The following TNS1 variants were observed in gnomAD, a reference collection of about 807,000 sequenced individuals.
TNS1 encodes tensin 1.
TNS1 carries 62 observed loss-of-function variants against 168.6 expected under a neutral mutation model. The observed-to-expected ratio is 0.37, with a 90% CI of 0.30 to 0.45. TNS1 has a LOEUF of 0.45. Ranked by LOEUF, TNS1 falls within the 20% of genes least tolerant of loss-of-function variation. TNS1 has a pLI of 1.00. For synonymous variants in TNS1, 934 were observed against 933.2 expected (o/e 1.00, Z -0.02); for missense variants, 2,240 against 2,339.4 (o/e 0.96, Z 0.88).
At chr2:217,917,829 C>CAAAAAAA (rs79888115) in intron 4 of TNS1, among the ~76,000 whole-genome samples, 13 of 75,986 alleles carry the variant, frequency 1.7e-4, no homozygotes, top group South Asian at 5.6e-4. Context: ...AGACTGTTCT[C>CAAAAAAA]AAAAAAAAAA....
intron 31 of TNS1, 51 bp from the exon 32 acceptor site, chr2:217,808,158 GC>G: frequency 6.2e-7 from 1 of 1,602,538 alleles, no homozygotes; most frequent in Non-Finnish European, 8.5e-7. Flanking sequence ...TCTCCCTAGA[GC>G]CCAGCCCCAC....
At chr2:217,937,114 G>T (rs1487612143) in intron 3 of TNS1, 4 of 440,008 alleles carry the variant, frequency 9.1e-6, no homozygotes, top group Non-Finnish European at 1.9e-5. Flanking sequence ...CCTCCGCTCT[G>T]CCAGCTCACA....
intron 3 of TNS1, among the ~76,000 whole-genome samples, chr2:217,939,662 C>T (rs2125932944): frequency 6.6e-6 from 1 of 152,258 alleles, no homozygotes; most frequent in Admixed American, 6.5e-5. Context: ...CCCATCAGCT[C>T]CCCAGGCCCC....
At chr2:218,007,566 TGG>T (rs71064407), upstream of TNS1, among the ~76,000 whole-genome samples, 3,274 of 74,996 alleles carry the variant, frequency 0.044, 63 homozygotes, top group Non-Finnish European at 0.054. Context: ...GCTCGGGGGG[TGG>T]GGGGGGGGGT....
At chr2:217,884,547 C>T (rs952120256) in intron 16 of TNS1, among the ~76,000 whole-genome samples, 2 of 152,204 alleles carry the variant, frequency 1.3e-5, no homozygotes, top group South Asian at 2.1e-4. Flanking sequence ...TCCACTACTG[C>T]TCTTCTGCCC....
chr2:217,885,478 C>G (rs924351507), intron 15 of TNS1, among the ~76,000 whole-genome samples: 4 of 152,220 alleles, frequency 2.6e-5, no homozygotes, highest in Admixed American at 2.0e-4. Flanking sequence ...TTCAGAGAGT[C>G]CTTGTCACCA....
intron 18 of TNS1, among the ~76,000 whole-genome samples, chr2:217,852,254 C>T (rs941483350): frequency 6.6e-6 from 1 of 152,168 alleles, no homozygotes; most frequent in African/African-American, 2.4e-5. Flanking sequence ...GATGGGGCCC[C>T]TTGGACAAGT....
At chr2:217,809,372 G>C (rs866000733) in intron 30 of TNS1, among the ~76,000 whole-genome samples, 2 of 85,990 alleles carry the variant, frequency 2.3e-5, no homozygotes, top group Non-Finnish European at 5.3e-5. Context: ...TGGATGGATG[G>C]ATGCATGGAT....
intron 24 of TNS1, 143 bp from the exon 25 acceptor site, chr2:217,815,141 G>T: frequency 1.5e-6 from 1 of 666,824 alleles, no homozygotes; most frequent in Non-Finnish European, 2.7e-6. Flanking sequence ...TTAAGATGAG[G>T]TCACACAGGA....
At chr2:217,946,890 C>T (rs1957119009) in intron 3 of TNS1, among the ~76,000 whole-genome samples, 1 of 151,910 alleles carries the variant, frequency 6.6e-6, no homozygotes, top group African/African-American at 2.4e-5. Context: ...AGCTGTCCCG[C>T]AGCCCATCAT....
chr2:217,962,499 T>C (rs542283963), intron 3 of TNS1, among the ~76,000 whole-genome samples: 1 of 152,194 alleles, frequency 6.6e-6, no homozygotes, highest in Admixed American at 6.5e-5. Context: ...GGAGCTCCCA[T>C]TGGCCATGGC....
At position 217,900,476 on chromosome 2, in the gene TNS1, G is replaced by T; in HGVS notation, c.358C>A (p.Leu120Ile). The T allele has an allele frequency of 1.3e-6, 2 of 1,535,398 alleles. No individual in the cohort carries two copies. Among genetic ancestry groups the T allele is most frequent in the Non-Finnish European group, 1.7e-6 (2 of 1,146,728 alleles). ...TRVTPSVQPH[L>I]QPIRNMSVSR... ...GGCCAGGCATACCTGATGGGCTGGA[G>T]GTGGGGCTGGACACTCGGGGTGACC... Residue 120 changes from leucine to isoleucine, a missense_variant, in exon 7 of 33, where the codon CTC becomes ATC. By Grantham distance (5) the Leu-to-Ile change is conservative (BLOSUM62 2). Transcript: ENST00000682258.
At chr2:217,858,692 A>G in intron 18 of TNS1, 1 of 209,066 alleles carries the variant, frequency 4.8e-6, no homozygotes, top group Non-Finnish European at 8.2e-6. Context: ...ACACACACAC[A>G]CACACACACC....
chr2:217,930,510 G>T (rs1956264551), intron 3 of TNS1, among the ~76,000 whole-genome samples: 1 of 152,226 alleles, frequency 6.6e-6, no homozygotes, highest in African/African-American at 2.4e-5. Flanking sequence ...GACCTGGAGG[G>T]CCAGGCTGAG....
At chr2:217,991,722 G>A (rs77137196) in intron 1 of TNS1, among the ~76,000 whole-genome samples, 166 of 152,092 alleles carry the variant, frequency 1.1e-3, no homozygotes, top group Admixed American at 3.3e-3. Context: ...ATGGGCCTTC[G>A]CTTCTCTAAC....
intron 18 of TNS1, among the ~76,000 whole-genome samples, chr2:217,871,214 C>G (rs750943605): frequency 1.3e-4 from 20 of 152,210 alleles, no homozygotes; most frequent in South Asian, 4.1e-4. Context: ...CAAACCTCTC[C>G]TGCTAGTATC....
At chr2:217,857,163 G>A (rs533215545) in intron 18 of TNS1, among the ~76,000 whole-genome samples, 362 of 152,294 alleles carry the variant, frequency 2.4e-3, no homozygotes, top group Middle Eastern at 0.017. Context: ...GCTGCTCCAG[G>A]CCCTCTGGGG....
chr2:218,015,741 C>T (rs1001217927), intron 1 of TNS1, among the ~76,000 whole-genome samples: 8 of 152,018 alleles, frequency 5.3e-5, no homozygotes, highest in South Asian at 2.1e-4. Flanking sequence ...ACATGATAAA[C>T]GGGGGGTGGG....
chr2:217,818,068 C>T lies in TNS1; in HGVS notation c.4264G>A (p.Asp1422Asn), dbSNP rs780483243. ...TAGCCACCATAGGCCACATGCCGGT[C>T]CAAGCAGGGGCTGCCGGGAACCACA... Reference protein sequence around the residue: ...GSVVPGSPCLDRHVAYGGYST... With the variant: ...GSVVPGSPCLNRHVAYGGYST... Residue 1422 changes from aspartate (D) to asparagine (N), a missense_variant, in exon 24 of 33, where the codon GAC becomes AAC. This residue lies in a region of TNS1 where 2,131 missense variants were observed against 2,171.2 expected (regional missense o/e 0.98). Coordinates refer to ENST00000682258, the MANE Select transcript of TNS1 (RefSeq NM_001387777.1). The T allele has an allele frequency of 2.5e-6, 4 of 1,611,806 alleles. No individual in the cohort carries two copies. Among genetic ancestry groups the T allele is most frequent in the Non-Finnish European group, 2.5e-6 (3 of 1,178,938 alleles).
Sources: allele counts gnomAD v4.1 joint callset (sites outside exome capture counted in the v4.1 genomes callset), GRCh38; gene constraint gnomAD v4.1.1; regional missense constraint gnomAD v4.1.1; transcripts MANE v1.5; gene names NCBI Gene and HGNC (gene_info 2026-07-23, HGNC 2026-07-21).